BBOX1: variants seen among roughly 807,000 people sequenced by gnomAD.
BBOX1 encodes gamma-butyrobetaine hydroxylase 1.
In BBOX1, 35 loss-of-function variants were observed where a neutral mutation model predicts 41.6. That is an observed-to-expected ratio of 0.84 (90% CI 0.64 to 1.11). The LOEUF is 1.11. Among genes scored for constraint, BBOX1 ranks in the 50% most tolerant of loss-of-function variants. The probability of loss-of-function intolerance (pLI) is 0.00; values close to 1 mark genes in which losing one functional copy is unlikely to be tolerated. For synonymous variants in BBOX1, 163 were observed against 154.7 expected, an observed-to-expected ratio of 1.05 and a Z score of -0.40; for missense variants, 458 against 460.6, an observed-to-expected ratio of 0.99 and a Z score of 0.05.
chr11:27,075,067 T>G (rs2134002523), intron 4 of BBOX1, among the ~76,000 whole-genome samples: 1 of 152,344 alleles, frequency 6.6e-6, no homozygotes, highest in South Asian at 2.1e-4. Flanking sequence ...CCAGAATTAT[T>G]TTTCTGTTTC....
At chr11:27,067,859 A>T (rs1429169268) in intron 4 of BBOX1, among the ~76,000 whole-genome samples, 2 of 152,114 alleles carry the variant, frequency 1.3e-5, no homozygotes, top group Admixed American at 6.5e-5. Flanking sequence ...GAGTTACTTC[A>T]TTTAGAATAA....
At chr11:27,109,699 G>A (rs964239703) in intron 5 of BBOX1, among the ~76,000 whole-genome samples, 29 of 152,058 alleles carry the variant, frequency 1.9e-4, no homozygotes, top group Admixed American at 1.3e-4. Context: ...CAGCAGCGCT[G>A]AATTCTATCC....
At chr11:27,098,872 T>C (rs1372964532) in intron 5 of BBOX1, among the ~76,000 whole-genome samples, 1 of 129,558 alleles carries the variant, frequency 7.7e-6, no homozygotes, top group Non-Finnish European at 1.6e-5. Flanking sequence ...TGCTTGTAAC[T>C]CTACCAGTCT....
chr11:27,127,573 A>G lies in BBOX1; in HGVS notation c.*120A>G, dbSNP rs1859712701. On this transcript the variant is annotated 3_prime_UTR_variant, in exon 9 of 9. Coordinates refer to ENST00000263182, the MANE Select transcript of BBOX1 (RefSeq NM_003986.3). The stretch of plus-strand genomic sequence containing the variant: ...TAATTTCCTTAACAATGAACATGTA[A>G]CTTCTCTCACAAGAGTACTCTTTAC... 1 of 1,145,230 alleles carries G rather than the reference A, an allele frequency of 8.7e-7. No individual in the cohort carries two copies. Among genetic ancestry groups the G allele is most frequent in the East Asian group, 2.5e-5 (1 of 39,506 alleles). The allele number at this position is 1,145,230 out of a possible 1,614,324, so 70.9% of individuals were successfully genotyped here. A position where few individuals can be genotyped will look rare whatever the true frequency, so the allele number is the denominator to read the frequency against.
intron 5 of BBOX1, among the ~76,000 whole-genome samples, chr11:27,112,277 G>A (rs1477127554): frequency 6.6e-6 from 1 of 151,872 alleles, no homozygotes; most frequent in Non-Finnish European, 1.5e-5. Context: ...ATGAACATTT[G>A]GTTGATAAAA....
chr11:27,099,314 A>G (rs1858558560), intron 5 of BBOX1, among the ~76,000 whole-genome samples: 1 of 152,028 alleles, frequency 6.6e-6, no homozygotes, highest in Non-Finnish European at 1.5e-5. Context: ...GCATTAATAC[A>G]TGTAATGAGG....
intron 4 of BBOX1, among the ~76,000 whole-genome samples, chr11:27,090,215 G>T (rs1168925680): frequency 6.6e-6 from 1 of 151,892 alleles, no homozygotes; most frequent in East Asian, 1.9e-4. Flanking sequence ...GGGGGAAACT[G>T]CCCCCAATAT....
intron 3 of BBOX1, among the ~76,000 whole-genome samples, chr11:27,056,745 TCC>T (rs1314418803): frequency 6.6e-6 from 1 of 152,014 alleles, no homozygotes; most frequent in African/African-American, 2.4e-5. Context: ...TTCCTTGTTT[TCC>T]AAAAGCGTAT....
At chr11:27,123,415 G>A (rs1038198888) in intron 7 of BBOX1, among the ~76,000 whole-genome samples, 1 of 152,048 alleles carries the variant, frequency 6.6e-6, no homozygotes, top group African/African-American at 2.4e-5. Flanking sequence ...TCAAATCAAG[G>A]AGCTATGGTA....
At chr11:27,097,086 A>C (rs1348379020) in intron 5 of BBOX1, among the ~76,000 whole-genome samples, 1 of 152,036 alleles carries the variant, frequency 6.6e-6, no homozygotes, top group African/African-American at 2.4e-5. Flanking sequence ...AGAAATTCTC[A>C]TTGTCAATTT....
In BBOX1 at chr11:27,127,555, C is replaced by T; in HGVS notation, c.*102C>T. 7.5e-7 allele frequency: 1 copy of T among 1,331,980 alleles called. No homozygotes were observed. The highest frequency in any genetic ancestry group is 2.4e-5 in the East Asian group (1 of 41,844). The allele number at this position is 1,331,980 out of a possible 1,614,324, so 82.5% of individuals were successfully genotyped here. A position where few individuals can be genotyped will look rare whatever the true frequency, so the allele number is the denominator to read the frequency against. On this transcript the variant is annotated 3_prime_UTR_variant, in exon 9 of 9. Transcript: ENST00000263182. ...ATCTTTGTGATTTACATATAATTTCCTTAACAATGAACATGTAACTTCTCT... is the reference window on the plus strand; with the variant it reads ...ATCTTTGTGATTTACATATAATTTCTTTAACAATGAACATGTAACTTCTCT...
chr11:27,073,840 A>C (rs1197040609), intron 4 of BBOX1, among the ~76,000 whole-genome samples: 1 of 151,854 alleles, frequency 6.6e-6, no homozygotes, highest in Non-Finnish European at 1.5e-5. Flanking sequence ...GCATGTTCTC[A>C]CTCATAGGTG....
intron 7 of BBOX1, among the ~76,000 whole-genome samples, chr11:27,123,762 C>A (rs1859548735): frequency 6.6e-6 from 1 of 152,058 alleles, no homozygotes; most frequent in African/African-American, 2.4e-5. Context: ...CCATCTGATT[C>A]TTTGTACATA....
At chr11:27,087,278 G>C (rs12281762) in intron 4 of BBOX1, among the ~76,000 whole-genome samples, 9,170 of 151,944 alleles carry the variant, frequency 0.06, 924 homozygotes, top group African/African-American at 0.21. Flanking sequence ...ATTAATAATG[G>C]AGCAGACTTC....
chr11:27,070,872 G>A (rs1253989949), intron 4 of BBOX1, among the ~76,000 whole-genome samples: 2 of 152,062 alleles, frequency 1.3e-5, no homozygotes, highest in East Asian at 3.9e-4. Context: ...TTATAGGCCT[G>A]TGAGTTTTAC....
chr11:27,042,793 A>T (rs1262675622), intron 2 of BBOX1, among the ~76,000 whole-genome samples: 1 of 152,200 alleles, frequency 6.6e-6, no homozygotes, highest in Admixed American at 6.5e-5. Flanking sequence ...CTTAGGTAGC[A>T]GGTGTCTTGA....
Position 27,055,606 on chromosome 11 carries a change from A to G in BBOX1, c.176A>G (p.Asp59Gly), listed in dbSNP as rs764775193. 1.9e-6 allele frequency: 3 copies of G among 1,614,164 alleles called. No individual in the cohort carries two copies. The highest frequency in any genetic ancestry group is 2.5e-6 in the Non-Finnish European group (3 of 1,180,014). ...CGGAAACTTCTAGTGGAAGCTCTTGATGTGAACATTGGAATTAAAGGCTTG... is the reference window on the plus strand; with the variant it reads ...CGGAAACTTCTAGTGGAAGCTCTTGGTGTGAACATTGGAATTAAAGGCTTG... ...KARKLLVEAL[D>G]VNIGIKGLIF... The change falls in exon 3 of 9, where the codon GAT (aspartate) becomes GGT (glycine). Residue 59 changes from aspartate (D) to glycine (G), a missense_variant. Transcript: ENST00000263182.
chr11:27,076,208 G>T (rs1385788049), intron 4 of BBOX1, among the ~76,000 whole-genome samples: 1 of 152,224 alleles, frequency 6.6e-6, no homozygotes, highest in Non-Finnish European at 1.5e-5. Context: ...AAGGGATCCA[G>T]TGATGTGATC....
At chr11:27,104,870 C>T (rs1336657643) in intron 5 of BBOX1, among the ~76,000 whole-genome samples, 1 of 152,114 alleles carries the variant, frequency 6.6e-6, no homozygotes, top group Non-Finnish European at 1.5e-5. Flanking sequence ...CCTCACACAG[C>T]CTGGTACCCC....
Sources: gnomAD v4.1 joint callset for allele counts (sites outside exome capture counted in the v4.1 genomes callset) on GRCh38, gnomAD v4.1.1 for gene constraint, MANE v1.5 for transcripts, NCBI Gene and HGNC (gene_info 2026-07-23, HGNC 2026-07-21) for gene names.